ADGRL3: variants seen among roughly 807,000 people sequenced by gnomAD.
ADGRL3 encodes adhesion G protein-coupled receptor L3.
ADGRL3 carries 62 observed loss-of-function variants against 153.5 expected under a neutral mutation model. The observed-to-expected ratio is 0.40, with a 90% confidence interval of 0.33 to 0.50. The LOEUF is 0.50. Among genes scored for constraint, ADGRL3 ranks in the 20% least tolerant of loss-of-function variants. The pLI is 0.47. For synonymous variants in ADGRL3, 710 were observed against 672.5 expected (o/e 1.06, Z -0.86); for missense variants, 1,641 against 1,859.4 (o/e 0.88, Z 2.16).
intron 1 of ADGRL3, among the ~76,000 whole-genome samples, chr4:61,333,176 A>G (rs2095608251): frequency 6.6e-6 from 1 of 152,310 alleles, no homozygotes; most frequent in South Asian, 2.1e-4. Flanking sequence ...GTAAATGAAA[A>G]AAATATATTG....
intron 2 of ADGRL3, among the ~76,000 whole-genome samples, chr4:61,482,295 G>A (rs1270659889): frequency 6.6e-6 from 1 of 152,126 alleles, no homozygotes; most frequent in Non-Finnish European, 1.5e-5. Flanking sequence ...AGTCATCACT[G>A]TGAAATTTTG....
rs2097140017 is a variant in ADGRL3, at chr4:61,775,716, G to T, written c.1400-38093G>T. 8 of 1,229,282 alleles carry T rather than the reference G, an allele frequency of 6.5e-6. No individual in the cohort carries two copies. In the South Asian group the frequency reaches 8.4e-5, roughly 13 times the overall value. 76.1% of individuals were successfully genotyped at this position (1,229,282 alleles called of 1,614,324 possible). A position where few individuals can be genotyped will look rare whatever the true frequency, so the allele number is the denominator to read the frequency against. On this transcript the variant is annotated intron_variant, in intron 8 of 26. Coordinates refer to ENST00000683033, the MANE Select transcript of ADGRL3 (RefSeq NM_001387552.1). ...ATGCAAGCACACAAAGGTGGGCTTGGTGCTTGTCTAAGCCTTTGGTAGCTT... is the reference window on the plus strand; with the variant it reads ...ATGCAAGCACACAAAGGTGGGCTTGTTGCTTGTCTAAGCCTTTGGTAGCTT...
intron 8 of ADGRL3, among the ~76,000 whole-genome samples, chr4:61,795,486 T>C (rs1454358118): frequency 6.6e-6 from 1 of 152,226 alleles, no homozygotes; most frequent in Non-Finnish European, 1.5e-5. Flanking sequence ...TTGCATTTTA[T>C]TCTTTCCAGT....
In ADGRL3 at chr4:62,073,885, T is replaced by G. The variant is rs1251223152; in HGVS notation, c.*2977T>G. 6.6e-6 allele frequency: 1 copy of G among 152,014 alleles called. No individual in the cohort carries two copies. The highest frequency in any genetic ancestry group is 2.4e-5 in the African/African-American group (1 of 41,384). The allele number at this position is 152,014 out of a possible 1,614,324, so 9.4% of individuals were successfully genotyped here. On this transcript the variant is annotated 3_prime_UTR_variant, in exon 27 of 27. Transcript: ENST00000683033. ...TCCCAAAGATTATAACAGAGAGAAA[T>G]TTCCCCTGCAAGTATTATGTAACCG...
intron 9 of ADGRL3, among the ~76,000 whole-genome samples, chr4:61,839,592 G>GT (rs977819055): frequency 1.6e-3 from 234 of 148,592 alleles, no homozygotes; most frequent in Middle Eastern, 0.01. Flanking sequence ...AATTTGGCAG[G>GT]TTTTTTTTTT....
chr4:61,891,605 A>G (rs560182792), intron 9 of ADGRL3, among the ~76,000 whole-genome samples: 1 of 152,292 alleles, frequency 6.6e-6, no homozygotes, highest in East Asian at 1.9e-4. Flanking sequence ...AGCGGAGATG[A>G]TGATATTTTA....
At chr4:61,290,681 A>AGGAAGGAG (rs1286147246) in intron 1 of ADGRL3, among the ~76,000 whole-genome samples, 7 of 150,014 alleles carry the variant, frequency 4.7e-5, no homozygotes, top group African/African-American at 1.2e-4. Flanking sequence ...GAAGGAAGGA[A>AGGAAGGAG]GGAAGGAGGG....
intron 4 of ADGRL3, among the ~76,000 whole-genome samples, chr4:61,550,658 T>TA (rs34156288): frequency 6.6e-6 from 1 of 151,440 alleles, no homozygotes; most frequent in South Asian, 2.1e-4. Flanking sequence ...AAGATTTTCT[T>TA]AAAAAAATTA....
At chr4:61,559,922 T>G (rs2098787374) in intron 4 of ADGRL3, among the ~76,000 whole-genome samples, 3 of 152,088 alleles carry the variant, frequency 2.0e-5, no homozygotes, top group African/African-American at 7.2e-5. Context: ...AACATACTGT[T>G]TATTTATTCA....
At chr4:61,434,079 T>G (rs946219435) in intron 2 of ADGRL3, among the ~76,000 whole-genome samples, 1 of 152,144 alleles carries the variant, frequency 6.6e-6, no homozygotes, top group Non-Finnish European at 1.5e-5. Context: ...TTCACTGGAA[T>G]GTAAAATTGT....
intron 4 of ADGRL3, among the ~76,000 whole-genome samples, chr4:61,534,478 A>G (rs950553571): frequency 1.2e-4 from 18 of 151,930 alleles, no homozygotes; most frequent in African/African-American, 3.9e-4. Context: ...GTGAAAAATG[A>G]TGTCAATAAT....
Position 62,075,077 on chromosome 4 carries a change from TCTA to T in ADGRL3, c.*4170_*4172del, listed in dbSNP as rs1235152026. 14 of 152,304 alleles carry T rather than the reference TCTA, an allele frequency of 9.2e-5. No homozygotes were observed. Among genetic ancestry groups the T allele is most frequent in the African/African-American group, 3.1e-4 (13 of 41,574 alleles). 9.4% of individuals were successfully genotyped at this position (152,304 alleles called of 1,614,324 possible). ...GAGAGGAAAAATAGTTTACAAGTTT[TCTA>T]AAGATCAACTCCAGACTAATCTATA... On this transcript the variant is annotated 3_prime_UTR_variant, in exon 27 of 27. Transcript: ENST00000683033.
rs532189831 is a variant in ADGRL3 at position 61,732,911 on chromosome 4, G to A, written c.756G>A (p.Glu252=). Residue 252 remains glutamate (E), a synonymous_variant, in exon 8 of 27, where the codon GAG becomes GAA. Coordinates refer to ENST00000683033, the MANE Select transcript of ADGRL3 (RefSeq NM_001387552.1). The part of the protein sequence containing the change: ...WTPYRTDTLT[E]YSSKDDFIAG... ...CCTACAGAACTGATACCCTGACTGAGTATTCATCCAAGGATGACTTCATTG... is the reference window on the plus strand; with the variant it reads ...CCTACAGAACTGATACCCTGACTGAATATTCATCCAAGGATGACTTCATTG... 4 of 1,613,648 alleles carry A rather than the reference G, an allele frequency of 2.5e-6. No individual in the cohort carries two copies. The African/African-American group carries it at 4.0e-5, about 16-fold the overall frequency.
intron 17 of ADGRL3, among the ~76,000 whole-genome samples, chr4:61,970,424 T>C (rs1490433729): frequency 2.0e-5 from 3 of 152,166 alleles, no homozygotes; most frequent in African/African-American, 7.2e-5. Flanking sequence ...CTTTCATTCG[T>C]TATGGTAGTT....
intron 19 of ADGRL3, 86 bp downstream of exon 19, chr4:61,983,689 C>A: frequency 1.7e-6 from 2 of 1,170,104 alleles, no homozygotes; most frequent in South Asian, 1.4e-5. Flanking sequence ...TATATTACCT[C>A]ACAGTGAAGA....
At chr4:61,621,365 A>T (rs1312339370) in intron 5 of ADGRL3, among the ~76,000 whole-genome samples, 1 of 152,200 alleles carries the variant, frequency 6.6e-6, no homozygotes, top group African/African-American at 2.4e-5. Context: ...ATTCTTTCTA[A>T]GAAAGATATT....
intron 5 of ADGRL3, among the ~76,000 whole-genome samples, chr4:61,614,333 C>T (rs1560937708): frequency 6.6e-6 from 1 of 152,146 alleles, no homozygotes; most frequent in Admixed American, 6.5e-5. Flanking sequence ...TTGTAGCATG[C>T]AGTTCAGAAA....
intron 9 of ADGRL3, among the ~76,000 whole-genome samples, chr4:61,824,140 A>G (rs1474647913): frequency 6.6e-6 from 1 of 152,214 alleles, no homozygotes; most frequent in Admixed American, 6.5e-5. Flanking sequence ...AGTATTTTTA[A>G]GAAAATCTTT....
intron 5 of ADGRL3, among the ~76,000 whole-genome samples, chr4:61,635,991 T>C (rs910334507): frequency 1.4e-4 from 22 of 152,198 alleles, no homozygotes; most frequent in African/African-American, 5.3e-4. Context: ...CTTTACCTCT[T>C]AAAAGACCTT....
Sources: allele counts gnomAD v4.1 joint callset (sites outside exome capture counted in the v4.1 genomes callset), GRCh38; gene constraint gnomAD v4.1.1; transcripts MANE v1.5; gene names NCBI Gene and HGNC (gene_info 2026-07-23, HGNC 2026-07-21).